OSBPL9: variants seen among roughly 807,000 people sequenced by gnomAD.
OSBPL9 encodes the protein oxysterol-binding protein-related protein 9.
Under a neutral mutation model 106.6 loss-of-function variants are expected in OSBPL9, and 40 were observed. The ratio of observed to expected loss-of-function variants is 0.38; its 90% CI spans 0.29 to 0.49. OSBPL9 has a LOEUF of 0.49. Among genes scored for constraint, OSBPL9 ranks in the 20% least tolerant of loss-of-function variants. OSBPL9 has a pLI of 0.97. For missense variants in OSBPL9, 609 were observed against 887.2 expected, an observed-to-expected ratio of 0.69 and a Z score of 3.98; for synonymous variants, 269 against 295.4, an observed-to-expected ratio of 0.91 and a Z score of 0.92.
At chr1:51,519,080 C>A in the OSBPL9 span, 1 of 629,460 alleles carries the variant, frequency 1.6e-6, no homozygotes, top group Non-Finnish European at 2.5e-6. Context: ...ACCGGCCGCC[C>A]GGCCCACAAG....
chr1:51,760,502 C>T (rs1324224767), intron 9 of OSBPL9, 188 bp from the exon 10 acceptor site: 1 of 695,650 alleles, frequency 1.4e-6, no homozygotes, highest in Non-Finnish European at 2.2e-6. Context: ...CATTGTCTTT[C>T]CTTACTATGC....
At chr1:51,550,058 T>A in the OSBPL9 span, among the ~76,000 whole-genome samples, 1,443 of 152,336 alleles carry the variant, frequency 9.5e-3, 24 homozygotes, top group African/African-American at 0.032. Context: ...CTTGAGAGAC[T>A]GGTCCTGTCC....
chr1:51,639,067 C>T (rs943019123), intron 1 of OSBPL9, among the ~76,000 whole-genome samples: 8 of 152,176 alleles, frequency 5.3e-5, no homozygotes, highest in African/African-American at 9.6e-5. Context: ...CTTTTATTGA[C>T]GTATAATTTT....
chr1:51,575,420 G>A (rs1029299760), upstream of OSBPL9, among the ~76,000 whole-genome samples: 3 of 149,956 alleles, frequency 2.0e-5, no homozygotes, highest in East Asian at 2.0e-4. Context: ...CATGTTGGTC[G>A]GTCTGGTTTC....
intron 2 of OSBPL9, among the ~76,000 whole-genome samples, chr1:51,608,433 C>T (rs1317618830): frequency 1.3e-5 from 2 of 151,910 alleles, no homozygotes; most frequent in South Asian, 2.1e-4. Flanking sequence ...GCTGGGATTA[C>T]AGGAGTGTGC....
At chr1:51,778,700 G>T (rs1298027795) in intron 15 of OSBPL9, among the ~76,000 whole-genome samples, 1 of 152,136 alleles carries the variant, frequency 6.6e-6, no homozygotes, top group Non-Finnish European at 1.5e-5. Flanking sequence ...GTCTCATGAA[G>T]CAAGTAGCCT....
rs143846212 is a variant in OSBPL9, at chr1:51,727,485, T to C, written c.318+13406T>C. On this transcript the variant is annotated intron_variant, in intron 4 of 23. Coordinates refer to ENST00000428468, the MANE Select transcript of OSBPL9 (RefSeq NM_024586.6). The stretch of plus-strand genomic sequence containing the variant: ...TCCTCACTTCGTTAAGCTTACAGTC[T>C]AGTGGTATAGATCAACATTAATCAA... Among the ~76,000 whole-genome samples the C allele has an allele frequency of 4.5e-3, 678 of 152,314 alleles. 3 individuals carry two copies. The highest frequency in any genetic ancestry group is 0.015 in the African/African-American group (628 of 41,554).
At chr1:51,618,789 G>C (rs12022714) in intron 1 of OSBPL9, among the ~76,000 whole-genome samples, 4 of 152,046 alleles carry the variant, frequency 2.6e-5, no homozygotes, top group Non-Finnish European at 4.4e-5. Context: ...GAAATCTGAG[G>C]CTCCAGGCTT....
At chr1:51,668,269 T>G (rs1010991353) in intron 2 of OSBPL9, among the ~76,000 whole-genome samples, 3 of 152,192 alleles carry the variant, frequency 2.0e-5, no homozygotes, top group African/African-American at 7.2e-5. Context: ...CTATTTTGCT[T>G]AGTTTCCTGT....
intron 4 of OSBPL9, chr1:51,745,057 G>C (rs1302743862): frequency 6.4e-6 from 1 of 155,182 alleles, no homozygotes; most frequent in East Asian, 1.9e-4. Flanking sequence ...AGGGGAGGAG[G>C]GAGGAAAACT....
intron 1 of OSBPL9, among the ~76,000 whole-genome samples, chr1:51,632,010 G>A (rs1453705599): frequency 6.6e-6 from 1 of 152,088 alleles, no homozygotes; most frequent in African/African-American, 2.4e-5. Context: ...AACTCACATG[G>A]AGCTGTCATC....
intron 3 of OSBPL9, among the ~76,000 whole-genome samples, chr1:51,676,499 T>G (rs910835841): frequency 6.6e-6 from 1 of 151,498 alleles, no homozygotes; most frequent in Non-Finnish European, 1.5e-5. Context: ...ATTAAAAAAT[T>G]TGACGCTAAT....
the OSBPL9 span, among the ~76,000 whole-genome samples, chr1:51,552,001 T>TGTG: frequency 5.7e-5 from 5 of 87,394 alleles, no homozygotes; most frequent in African/African-American, 2.5e-4. Flanking sequence ...GTGTGTGTGT[T>TGTG]TAGTTTGTTC....
the OSBPL9 span, among the ~76,000 whole-genome samples, chr1:51,527,693 T>C: frequency 0.025 from 3,761 of 152,134 alleles, 164 homozygotes; most frequent in African/African-American, 0.085. Flanking sequence ...TGTGGCTGGG[T>C]GCCTGCCTGG....
chr1:51,620,770 C>T (rs71653006), intron 1 of OSBPL9, among the ~76,000 whole-genome samples: 1 of 152,042 alleles, frequency 6.6e-6, no homozygotes, highest in Admixed American at 6.5e-5. Context: ...AACTTTATCC[C>T]CAGGGCAGTG....
intron 4 of OSBPL9, among the ~76,000 whole-genome samples, chr1:51,736,628 A>T (rs1283066381): frequency 6.6e-6 from 1 of 152,230 alleles, no homozygotes; most frequent in Non-Finnish European, 1.5e-5. Flanking sequence ...TAAAGTACTC[A>T]GTTTAAGGAT....
chr1:51,647,433 A>AAATTG (rs1348994874), intron 1 of OSBPL9, among the ~76,000 whole-genome samples: 5 of 152,144 alleles, frequency 3.3e-5, no homozygotes, highest in African/African-American at 1.2e-4. Context: ...TTTATAGAAA[A>AAATTG]AATTGGAAAG....
At chr1:51,658,029 G>T (rs971116455) in intron 2 of OSBPL9, among the ~76,000 whole-genome samples, 2 of 151,858 alleles carry the variant, frequency 1.3e-5, no homozygotes, top group African/African-American at 4.8e-5. Context: ...GATCACTTGA[G>T]TGCAGGAGGT....
At chr1:51,518,640 G>A in the OSBPL9 span, among the ~76,000 whole-genome samples, 1 of 152,224 alleles carries the variant, frequency 6.6e-6, no homozygotes, top group Non-Finnish European at 1.5e-5. Context: ...TCTGGGAAGG[G>A]AGGGCTTCCG....
Sources: allele counts gnomAD v4.1 joint callset (sites outside exome capture counted in the v4.1 genomes callset), GRCh38; gene constraint gnomAD v4.1.1; transcripts MANE v1.5; gene names NCBI Gene and HGNC (gene_info 2026-07-23, HGNC 2026-07-21).